Variants in GNA12 observed in about 807,000 individuals in gnomAD.
GNA12 encodes G protein subunit alpha 12.
A neutral mutation model predicts 26.0 loss-of-function variants in GNA12; 9 were observed. That is an observed-to-expected ratio of 0.35 (90% CI 0.21 to 0.60). The LOEUF is 0.60. GNA12 is among the 20% of genes least tolerant of loss of function. GNA12 has a pLI of 0.78. For synonymous variants in GNA12, 264 were observed against 219.6 expected (o/e 1.20, Z -1.79); for missense variants, 405 against 525.8 (o/e 0.77, Z 2.25).
intron 1 of GNA12, among the ~76,000 whole-genome samples, chr7:2,800,123 G>A (rs369194384): frequency 1.1e-4 from 16 of 152,322 alleles, no homozygotes; most frequent in African/African-American, 3.6e-4. Context: ...AAGCTGTGGT[G>A]CACCATACCA....
At chr7:2,764,045 T>G (rs1202639526) in intron 2 of GNA12, among the ~76,000 whole-genome samples, 1 of 152,162 alleles carries the variant, frequency 6.6e-6, no homozygotes, top group Non-Finnish European at 1.5e-5. Flanking sequence ...GCTGCTGTGC[T>G]GGTGTCCTCT....
intron 1 of GNA12, among the ~76,000 whole-genome samples, chr7:2,805,779 G>T (rs372614561): frequency 6.6e-6 from 1 of 152,214 alleles, no homozygotes; most frequent in Non-Finnish European, 1.5e-5. Context: ...TGTGCATTCA[G>T]ACACTACTTG....
chr7:2,780,845 A>C (rs1792208808), intron 2 of GNA12, among the ~76,000 whole-genome samples: 1 of 152,202 alleles, frequency 6.6e-6, no homozygotes, highest in Admixed American at 6.5e-5. Context: ...ATGAACATTT[A>C]CATACATGGC....
intron 1 of GNA12, among the ~76,000 whole-genome samples, chr7:2,809,169 C>G (rs1793018412): frequency 6.6e-6 from 1 of 152,138 alleles, no homozygotes; most frequent in South Asian, 2.1e-4. Context: ...TGATTCTCTC[C>G]CCACCGAGCA....
chr7:2,768,961 C>T (rs1182209), intron 2 of GNA12, among the ~76,000 whole-genome samples: 64,208 of 152,036 alleles, frequency 0.42, 13,831 homozygotes, highest in Admixed American at 0.48. Context: ...AGTCTCGCTC[C>T]GTTGTCCGGG....
intron 2 of GNA12, among the ~76,000 whole-genome samples, chr7:2,787,814 C>A (rs1161860546): frequency 6.6e-6 from 1 of 152,200 alleles, no homozygotes; most frequent in Admixed American, 6.5e-5. Flanking sequence ...AAAATGTAGT[C>A]CAGATTTGTG....
intron 2 of GNA12, among the ~76,000 whole-genome samples, chr7:2,748,498 C>T (rs1392998558): frequency 6.6e-6 from 1 of 152,064 alleles, no homozygotes; most frequent in Non-Finnish European, 1.5e-5. Context: ...ACACCTTACA[C>T]AAAAATTAAT....
At chr7:2,842,301 T>C (rs1779020593) in intron 1 of GNA12, among the ~76,000 whole-genome samples, 2 of 150,864 alleles carry the variant, frequency 1.3e-5, no homozygotes, top group African/African-American at 2.5e-5. Context: ...ACCCCGACTT[T>C]ATCAACTCTA....
chr7:2,731,900 A>T lies in GNA12; in HGVS notation c.577-150T>A, dbSNP rs1330557774. 5.8e-6 allele frequency: 3 copies of T among 517,462 alleles called. No individual in the cohort carries two copies. Among genetic ancestry groups the T allele is most frequent in the Non-Finnish European group, 1.0e-5 (3 of 294,156 alleles). 32.1% of individuals were successfully genotyped at this position (517,462 alleles called of 1,614,324 possible). On this transcript the variant is annotated intron_variant, in intron 3 of 3. Coordinates refer to ENST00000275364, the MANE Select transcript of GNA12 (RefSeq NM_007353.3). The surrounding 1 kb of genome is among the most constrained non-coding windows in gnomAD (Gnocchi z 6.0). Reference sequence around the variant, plus strand: ...ACCAAAAGCAAATTTCATTTATAACATTATCAACTGGCCGTGAAACAGAAA... The same window carrying T: ...ACCAAAAGCAAATTTCATTTATAACTTTATCAACTGGCCGTGAAACAGAAA...
rs200691408 is a variant in GNA12 at position 2,733,423 on chromosome 7, G to T, written c.576+28C>A. 3 of 1,607,674 alleles carry T rather than the reference G, an allele frequency of 1.9e-6. No individual in the cohort carries two copies. The East Asian group carries it at 6.7e-5, about 36-fold the overall frequency. On this transcript the variant is annotated intron_variant, in intron 3 of 3. Coordinates refer to ENST00000275364, the MANE Select transcript of GNA12 (RefSeq NM_007353.3). ...ACACGTTTTCTAACCCTGGAGCCCA[G>T]CTTCTTCGGGCGGGCGTGCTTACTC...
chr7:2,773,745 G>A (rs1792006259), intron 2 of GNA12, among the ~76,000 whole-genome samples: 1 of 152,132 alleles, frequency 6.6e-6, no homozygotes, highest in South Asian at 2.1e-4. Context: ...ACACCTGGAT[G>A]CCCCAGCAAG....
At chr7:2,734,064 A>G (rs996426090) in intron 2 of GNA12, among the ~76,000 whole-genome samples, 1 of 152,186 alleles carries the variant, frequency 6.6e-6, no homozygotes, top group African/African-American at 2.4e-5. Context: ...GGAATCTTCC[A>G]TTTGGATTGT....
intron 1 of GNA12, among the ~76,000 whole-genome samples, chr7:2,813,518 A>G (rs533026858): frequency 1.4e-4 from 21 of 152,302 alleles, no homozygotes; most frequent in Middle Eastern, 3.4e-3. Flanking sequence ...AGCCACCACA[A>G]TATCTGCTAT....
intron 1 of GNA12, among the ~76,000 whole-genome samples, chr7:2,834,923 G>A (rs77747297): frequency 6.5e-4 from 99 of 152,220 alleles, no homozygotes; most frequent in African/African-American, 2.3e-3. Context: ...TTTCCTGGAC[G>A]GGATCCCAGT....
chr7:2,822,648 G>C (rs1159086780), intron 1 of GNA12, among the ~76,000 whole-genome samples: 1 of 152,112 alleles, frequency 6.6e-6, no homozygotes, highest in Non-Finnish European at 1.5e-5. Context: ...GTGAGTCCTT[G>C]TTTCTACAGA....
chr7:2,745,471 A>G lies in GNA12; in HGVS notation c.526-11970T>C, dbSNP rs550806783. On this transcript the variant is annotated intron_variant, in intron 2 of 3. Coordinates refer to ENST00000275364, the MANE Select transcript of GNA12 (RefSeq NM_007353.3). ...ATACTTTACAGACAAGCAAATGCTG[A>G]GAGATTTTGTCACCACCAGGCCTGC... 8.5e-4 allele frequency among the ~76,000 whole-genome samples: 130 copies of G among 152,342 alleles called. 1 individual carries two copies. Among genetic ancestry groups the G allele is most frequent in the African/African-American group, 2.9e-3 (122 of 41,592 alleles).
At chr7:2,819,546 C>T (rs760836675) in intron 1 of GNA12, among the ~76,000 whole-genome samples, 10 of 152,284 alleles carry the variant, frequency 6.6e-5, no homozygotes, top group Admixed American at 1.3e-4. Context: ...TAACCAAAAG[C>T]AGTCCCCTTA....
chr7:2,844,295 G>A lies in GNA12; in HGVS notation c.-134C>T. ...TCAGGCCGCGTCCGCCGCCGCCGCTGCAGTCGCTCCGAGGCCCGCACTCGT... is the reference window on the plus strand; with the variant it reads ...TCAGGCCGCGTCCGCCGCCGCCGCTACAGTCGCTCCGAGGCCCGCACTCGT... On this transcript the variant is annotated 5_prime_UTR_variant, in exon 1 of 4. Transcript: ENST00000275364. The A allele has an allele frequency of 3.4e-6, 1 of 298,340 alleles. No homozygotes were observed. Among genetic ancestry groups the A allele is most frequent in the Non-Finnish European group, 4.9e-6 (1 of 202,924 alleles). 18.5% of individuals were successfully genotyped at this position (298,340 alleles called of 1,614,324 possible).
At chr7:2,800,480 A>T (rs191202650) in intron 1 of GNA12, among the ~76,000 whole-genome samples, 2 of 152,262 alleles carry the variant, frequency 1.3e-5, no homozygotes, top group African/African-American at 4.8e-5. Flanking sequence ...CTTCAACAGC[A>T]TACTGAAATT....
Sources: gnomAD v4.1 joint callset for allele counts (sites outside exome capture counted in the v4.1 genomes callset) on GRCh38, gnomAD v4.1.1 for gene constraint, Gnocchi (gnomAD v3.1) non-coding constraint, MANE v1.5 for transcripts, NCBI Gene and HGNC (gene_info 2026-07-23, HGNC 2026-07-21) for gene names.